MAP2K5: variants seen among roughly 807,000 people sequenced by gnomAD.
The protein encoded by MAP2K5 is mitogen-activated protein kinase kinase 5.
In MAP2K5, 49 loss-of-function variants were observed where a neutral mutation model predicts 83.1. The observed-to-expected ratio is 0.59, with a 90% CI of 0.47 to 0.75. The LOEUF (loss-of-function observed/expected upper bound fraction) is 0.75, where lower values mean the gene tolerates loss of function less well. MAP2K5 is among the 30% of genes least tolerant of loss of function. The pLI is 0.00. For synonymous variants in MAP2K5, 202 were observed against 191.8 expected (o/e 1.05, Z -0.44); for missense variants, 457 against 557.5 (o/e 0.82, Z 1.82).
At chr15:67,699,268 G>T (rs11637445) in intron 15 of MAP2K5, among the ~76,000 whole-genome samples, 45,572 of 151,776 alleles carry the variant, frequency 0.3, 7,959 homozygotes, top group Non-Finnish European at 0.4. Flanking sequence ...ATTCCTGAGG[G>T]CATTTGCCTG....
chr15:67,768,205 G>A lies in MAP2K5; in HGVS notation c.1135-1397G>A, dbSNP rs1205604512. Among the ~76,000 whole-genome samples, 13 of 152,030 alleles carry A rather than the reference G, an allele frequency of 8.6e-5. No homozygotes were observed. Among genetic ancestry groups the A allele is most frequent in the Admixed American group, 7.2e-4 (11 of 15,258 alleles). On this transcript the variant is annotated intron_variant, in intron 19 of 21. Coordinates refer to ENST00000178640, the MANE Select transcript of MAP2K5 (RefSeq NM_145160.3). The surrounding 1 kb of genome is among the most constrained non-coding windows in gnomAD (Gnocchi z 4.0). ...AGAGTTCTAGTTAATTTTCTGTCTT[G>A]TAATTACCGATCTCATTTTTCTGAT...
rs574457133 is a variant in MAP2K5, at chr15:67,722,474, G to A, written c.1045-5442G>A. ...TTAACCTCCAAAGCACTTTAACACC[G>A]GTAAATTGCTGTTATATCCTTTGGA... On this transcript the variant is annotated intron_variant, in intron 16 of 21. Coordinates refer to ENST00000178640, the MANE Select transcript of MAP2K5 (RefSeq NM_145160.3). The surrounding 1 kb of genome is among the most constrained non-coding windows in gnomAD (Gnocchi z 4.2). Among the ~76,000 whole-genome samples, 14 of 151,976 alleles carry A rather than the reference G, an allele frequency of 9.2e-5. No homozygotes were observed. Among genetic ancestry groups the A allele is most frequent in the African/African-American group, 3.4e-4 (14 of 41,422 alleles).
chr15:67,552,797 A>G lies in MAP2K5; in HGVS notation c.184+2715A>G, dbSNP rs149805369. 1.3e-5 allele frequency among the ~76,000 whole-genome samples: 2 copies of G among 152,268 alleles called. No individual in the cohort carries two copies. Among genetic ancestry groups the G allele is most frequent in the East Asian group, 1.9e-4 (1 of 5,184 alleles). On this transcript the variant is annotated intron_variant, in intron 2 of 21. Coordinates refer to ENST00000178640, the MANE Select transcript of MAP2K5 (RefSeq NM_145160.3). This position sits in a 1 kb window ranked among gnomAD's most constrained non-coding sequence, Gnocchi z 4.2. ...GTTGAGGAAAGGAAATCTTTAAGCAACTTGCTGAAAGTCTCTCAGCTGTTA... is the reference window on the plus strand; with the variant it reads ...GTTGAGGAAAGGAAATCTTTAAGCAGCTTGCTGAAAGTCTCTCAGCTGTTA...
chr15:67,788,495 A>T (rs1205903310), intron 21 of MAP2K5, among the ~76,000 whole-genome samples: 2 of 152,228 alleles, frequency 1.3e-5, no homozygotes, highest in Non-Finnish European at 2.9e-5. Flanking sequence ...TCACCCCTGG[A>T]AACTTTAGTA....
chr15:67,728,019 G>T, intron 17 of MAP2K5, 74 bp downstream of exon 17: 1 of 1,206,818 alleles, frequency 8.3e-7, no homozygotes, highest in South Asian at 1.2e-5. Context: ...GAGCAATTGT[G>T]AACATTTGAG....
At chr15:67,666,140 T>C (rs1162049987) in intron 13 of MAP2K5, among the ~76,000 whole-genome samples, 1 of 152,194 alleles carries the variant, frequency 6.6e-6, no homozygotes, top group East Asian at 1.9e-4. Context: ...AATTCGAGTG[T>C]TGTTAGAAAG....
chr15:67,558,480 G>A (rs1185054723), intron 2 of MAP2K5, among the ~76,000 whole-genome samples: 1 of 152,114 alleles, frequency 6.6e-6, no homozygotes, highest in Non-Finnish European at 1.5e-5. Flanking sequence ...TTTCCACATG[G>A]CAGCCAGAGT....
intron 19 of MAP2K5, among the ~76,000 whole-genome samples, chr15:67,753,592 T>C (rs763126355): frequency 1.3e-5 from 2 of 152,094 alleles, no homozygotes; most frequent in Non-Finnish European, 1.5e-5. Context: ...CATGAAAATA[T>C]GCTCAACAAT....
At chr15:67,751,480 A>G (rs368037077) in intron 19 of MAP2K5, among the ~76,000 whole-genome samples, 19 of 152,270 alleles carry the variant, frequency 1.2e-4, no homozygotes, top group African/African-American at 4.6e-4. Flanking sequence ...TGCGTTGTAA[A>G]GTGCTTTGGT....
At chr15:67,593,213 A>G (rs1349400598) in intron 7 of MAP2K5, among the ~76,000 whole-genome samples, 2 of 152,230 alleles carry the variant, frequency 1.3e-5, no homozygotes, top group Non-Finnish European at 2.9e-5. Context: ...TCAGTTTTTA[A>G]AAAGTTAATC....
intron 8 of MAP2K5, among the ~76,000 whole-genome samples, chr15:67,605,077 A>G (rs377431341): frequency 6.7e-6 from 1 of 150,318 alleles, no homozygotes; most frequent in African/African-American, 2.4e-5. Context: ...TTTTTGAGAC[A>G]GAGTCTCGCT....
intron 13 of MAP2K5, 105 bp downstream of exon 13, chr15:67,664,750 A>C: frequency 1.5e-6 from 1 of 654,594 alleles, no homozygotes; most frequent in South Asian, 2.2e-5. Context: ...GCCAGCTGAT[A>C]CATCTGGTAC....
rs533766536 is a variant in MAP2K5, at chr15:67,730,021, C to T, written c.1074+2076C>T. Among the ~76,000 whole-genome samples the T allele has an allele frequency of 1.9e-3, 286 of 152,214 alleles. 2 individuals are homozygous for T. The highest frequency in any genetic ancestry group is 6.4e-3 in the African/African-American group (264 of 41,526). ...TTGAATCATGATAGAATGTTGTCAC[C>T]AAATTGTTACTTCTATCTGAAATAA... On this transcript the variant is annotated intron_variant, in intron 17 of 21. Transcript: ENST00000178640.
chr15:67,623,134 A>G (rs957681129), intron 8 of MAP2K5, among the ~76,000 whole-genome samples: 3 of 152,164 alleles, frequency 2.0e-5, no homozygotes, highest in Non-Finnish European at 4.4e-5. Context: ...AGGGAGGTAT[A>G]TAGGTATTTT....
rs1476684576 is a variant in MAP2K5, at chr15:67,577,752, G to A, written c.253-3002G>A. On this transcript the variant is annotated intron_variant, in intron 3 of 21. Coordinates refer to ENST00000178640, the MANE Select transcript of MAP2K5 (RefSeq NM_145160.3). This position sits in a 1 kb window ranked among gnomAD's most constrained non-coding sequence, Gnocchi z 4.1. ...GCAGTGGCTCACGCCTGTAATCCCAGCACTTTGGGAGGCCAAGGCAGGTGG... is the reference window on the plus strand; with the variant it reads ...GCAGTGGCTCACGCCTGTAATCCCAACACTTTGGGAGGCCAAGGCAGGTGG... Among the ~76,000 whole-genome samples the A allele has an allele frequency of 3.3e-5, 5 of 152,186 alleles. No individual in the cohort carries two copies. The highest frequency in any genetic ancestry group is 4.1e-4 in the South Asian group (2 of 4,828).
chr15:67,663,186 T>A (rs1180224501), intron 12 of MAP2K5, among the ~76,000 whole-genome samples: 3 of 152,230 alleles, frequency 2.0e-5, no homozygotes, highest in Non-Finnish European at 4.4e-5. Flanking sequence ...ACATAATCAC[T>A]GATTAAAATC....
rs774489846 is a variant in MAP2K5 at position 67,768,024 on chromosome 15, A to T, written c.1135-1578A>T. 1.3e-5 allele frequency among the ~76,000 whole-genome samples: 2 copies of T among 152,016 alleles called. No homozygotes were observed. The highest frequency in any genetic ancestry group is 2.9e-5 in the Non-Finnish European group (2 of 67,994). On this transcript the variant is annotated intron_variant, in intron 19 of 21. Transcript: ENST00000178640. The surrounding 1 kb of genome is among the most constrained non-coding windows in gnomAD (Gnocchi z 4.0). ...GCAAAAACCAAGAAACATTTTGTTCATGTTTCTTTTCTTGTAGCCTCTTCG... is the reference window on the plus strand; with the variant it reads ...GCAAAAACCAAGAAACATTTTGTTCTTGTTTCTTTTCTTGTAGCCTCTTCG...
At chr15:67,581,003 T>G (rs931668687) in intron 4 of MAP2K5, among the ~76,000 whole-genome samples, 180 bp downstream of exon 4, 1 of 152,210 alleles carries the variant, frequency 6.6e-6, no homozygotes, top group African/African-American at 2.4e-5. Flanking sequence ...AGATAAAATA[T>G]CTAATTTACT....
chr15:67,599,897 T>C (rs1157723084), intron 7 of MAP2K5, among the ~76,000 whole-genome samples: 1 of 152,212 alleles, frequency 6.6e-6, no homozygotes, highest in Non-Finnish European at 1.5e-5. Flanking sequence ...CTCTAAACTC[T>C]AAAACATTAT....
Sources: allele counts gnomAD v4.1 joint callset (sites outside exome capture counted in the v4.1 genomes callset), GRCh38; gene constraint gnomAD v4.1.1; non-coding constraint Gnocchi (gnomAD v3.1); transcripts MANE v1.5; gene names NCBI Gene and HGNC (gene_info 2026-07-23, HGNC 2026-07-21).